Variants in TNS3 observed in about 807,000 individuals in gnomAD.
The protein encoded by TNS3 is tensin-3.
A neutral mutation model predicts 140.9 loss-of-function variants in TNS3; 45 were observed. The ratio of observed to expected loss-of-function variants is 0.32; its 90% CI spans 0.25 to 0.41. The LOEUF is 0.41. Among genes scored for constraint, TNS3 ranks in the 10% least tolerant of loss-of-function variants. The pLI is 1.00. For missense variants in TNS3, 1,716 were observed against 1,906.7 expected, an observed-to-expected ratio of 0.90 and a Z score of 1.86; for synonymous variants, 815 against 788.4, an observed-to-expected ratio of 1.03 and a Z score of -0.56.
intron 27 of TNS3, among the ~76,000 whole-genome samples, chr7:47,289,610 C>T (rs1562762065): frequency 6.6e-6 from 1 of 152,158 alleles, no homozygotes; most frequent in Non-Finnish European, 1.5e-5. Flanking sequence ...CAGCAATAAA[C>T]AAGTAAAATT....
intron 3 of TNS3, among the ~76,000 whole-genome samples, chr7:47,504,598 C>T (rs1798345545): frequency 6.6e-6 from 1 of 152,204 alleles, no homozygotes; most frequent in East Asian, 1.9e-4. Context: ...GTCTAAGGAG[C>T]CCACTGGGCA....
chr7:47,551,130 G>A (rs1043357063), intron 1 of TNS3, among the ~76,000 whole-genome samples: 5 of 152,208 alleles, frequency 3.3e-5, no homozygotes, highest in African/African-American at 1.2e-4. Context: ...GGTTCCTTCA[G>A]GAAGCATCTC....
chr7:47,322,718 A>G (rs1158523943), intron 20 of TNS3, among the ~76,000 whole-genome samples: 2 of 152,212 alleles, frequency 1.3e-5, no homozygotes, highest in African/African-American at 4.8e-5. Context: ...GATAATATTT[A>G]CCATGAGTCG....
At chr7:47,310,428 G>A (rs1024962241) in intron 20 of TNS3, among the ~76,000 whole-genome samples, 1 of 152,138 alleles carries the variant, frequency 6.6e-6, no homozygotes, top group Admixed American at 6.5e-5. Flanking sequence ...AGAGGACCAT[G>A]ACAGGATCTG....
intron 2 of TNS3, among the ~76,000 whole-genome samples, chr7:47,509,594 T>C (rs1270170363): frequency 1.3e-5 from 2 of 152,096 alleles, no homozygotes; most frequent in African/African-American, 2.4e-5. Context: ...AATTCAGTGT[T>C]TGCATCCAGC....
intron 1 of TNS3, among the ~76,000 whole-genome samples, chr7:47,548,353 C>T (rs1157553310): frequency 1.3e-5 from 2 of 152,268 alleles, no homozygotes; most frequent in South Asian, 2.1e-4. Flanking sequence ...TGCTGTTCCC[C>T]TTATAGGAAG....
intron 4 of TNS3, among the ~76,000 whole-genome samples, chr7:47,476,316 CCACTACATTCTGTGCCTGTGTGCGCAT>C (rs1010436733): frequency 2.6e-5 from 4 of 152,196 alleles, no homozygotes; most frequent in African/African-American, 9.7e-5. Flanking sequence ...CTCACACCTA[CCACTACATTCTGTGCCTGTGTGCGCAT>C]GTGAGCACTG....
In TNS3 at chr7:47,388,227, A is replaced by G. The variant is rs557908460; in HGVS notation, c.1024+8573T>C. ...ATAAGGACCAAACCCTCATTACACC[A>G]GGGTCTACACACACACATACACACA... On this transcript the variant is annotated intron_variant, in intron 16 of 30. Transcript: ENST00000311160. Among the ~76,000 whole-genome samples, 32 of 152,240 alleles carry G rather than the reference A, an allele frequency of 2.1e-4. No homozygotes were observed. The South Asian group carries it at 3.7e-3, about 18-fold the overall frequency.
At chr7:47,483,448 C>T (rs1442566942) in intron 3 of TNS3, among the ~76,000 whole-genome samples, 1 of 152,144 alleles carries the variant, frequency 6.6e-6, no homozygotes, top group Admixed American at 6.5e-5. Context: ...GGATTACAGG[C>T]GTGAGCCACC....
intron 15 of TNS3, among the ~76,000 whole-genome samples, chr7:47,399,880 A>G (rs1793057493): frequency 1.3e-5 from 2 of 152,218 alleles, no homozygotes; most frequent in East Asian, 3.8e-4. Flanking sequence ...TCATCAGAGT[A>G]AACAGAACCC....
intron 1 of TNS3, among the ~76,000 whole-genome samples, chr7:47,540,113 C>T (rs1166974410): frequency 6.6e-6 from 1 of 152,182 alleles, no homozygotes; most frequent in Non-Finnish European, 1.5e-5. Flanking sequence ...GCTTTTTACT[C>T]GCCAGGTTGT....
intron 1 of TNS3, among the ~76,000 whole-genome samples, chr7:47,532,328 G>A (rs1449120502): frequency 6.6e-6 from 1 of 152,134 alleles, no homozygotes. Context: ...GCCTCTTCCA[G>A]CCAGCCCATG....
At chr7:47,400,336 C>A (rs1793083070) in intron 15 of TNS3, 57 bp downstream of exon 15, 3 of 1,439,372 alleles carry the variant, frequency 2.1e-6, no homozygotes, top group Non-Finnish European at 2.9e-6. Context: ...GCGTAGCCAT[C>A]ATGCACCTTT....
At chr7:47,534,176 A>G (rs1799518954) in intron 1 of TNS3, among the ~76,000 whole-genome samples, 1 of 152,090 alleles carries the variant, frequency 6.6e-6, no homozygotes, top group Non-Finnish European at 1.5e-5. Flanking sequence ...CAGGAGGCTG[A>G]GGGAGGAGAA....
At chr7:47,496,102 A>G (rs559993108) in intron 3 of TNS3, among the ~76,000 whole-genome samples, 1 of 152,156 alleles carries the variant, frequency 6.6e-6, no homozygotes, top group Admixed American at 6.5e-5. Context: ...AGAGGAGAGG[A>G]CCCCAGTGAG....
intron 20 of TNS3, among the ~76,000 whole-genome samples, chr7:47,324,472 C>T (rs2347442): frequency 6.6e-6 from 1 of 152,196 alleles, no homozygotes; most frequent in Admixed American, 6.5e-5. Context: ...CTTAACAGGG[C>T]TAGGCAAGGT....
At chr7:47,411,879 C>G (rs1793792493) in intron 12 of TNS3, 77 bp from the exon 13 acceptor site, 1 of 1,375,158 alleles carries the variant, frequency 7.3e-7, no homozygotes, top group African/African-American at 1.4e-5. Context: ...AGAAAAGCAA[C>G]CCTACAACCC....
chr7:47,546,912 CAA>C (rs777558137), intron 1 of TNS3, among the ~76,000 whole-genome samples: 4 of 152,256 alleles, frequency 2.6e-5, no homozygotes, highest in Non-Finnish European at 5.9e-5. Flanking sequence ...ACTAAAATGA[CAA>C]AGACAGACGC....
At chr7:47,565,614 G>A (rs1164366604) in intron 1 of TNS3, among the ~76,000 whole-genome samples, 3 of 152,160 alleles carry the variant, frequency 2.0e-5, no homozygotes, top group African/African-American at 7.2e-5. Flanking sequence ...TGATCAGCCC[G>A]CCTCAGCCTC....
Sources: gnomAD v4.1 joint callset for allele counts (sites outside exome capture counted in the v4.1 genomes callset) on GRCh38, gnomAD v4.1.1 for gene constraint, MANE v1.5 for transcripts, NCBI Gene and HGNC (gene_info 2026-07-23, HGNC 2026-07-21) for gene names.